ECPAS: variants seen among roughly 807,000 people sequenced by gnomAD.
ECPAS encodes Ecm29 proteasome adaptor and scaffold.
A neutral mutation model predicts 255.1 loss-of-function variants in ECPAS; 70 were observed. That is an observed-to-expected ratio of 0.27 (90% CI 0.23 to 0.33). The LOEUF (loss-of-function observed/expected upper bound fraction) is 0.33, where lower values mean the gene tolerates loss of function less well. ECPAS is among the 10% of genes least tolerant of loss of function. ECPAS has a pLI of 1.00. For missense variants in ECPAS, 1,817 were observed against 2,206.4 expected (o/e 0.82, Z 3.54); for synonymous variants, 784 against 775.0 (o/e 1.01, Z -0.19).
In ECPAS at chr9:111,375,843, T is replaced by TC. The variant is rs1470677189; in HGVS notation, c.4020+632_4020+633insG. On this transcript the variant is annotated intron_variant, in intron 37 of 49. Transcript: ENST00000684092. ...TAACATAGTTTTTTGTACACTTCAG[T>TC]TTTTTTAGGGGTTGGATCTATACCT... Among the ~76,000 whole-genome samples, 6 of 152,122 alleles carry TC rather than the reference T, an allele frequency of 3.9e-5. No individual in the cohort carries two copies. In the South Asian group the frequency reaches 1.0e-3, roughly 26 times the overall value.
chr9:111,456,538 G>C (rs941312109), intron 2 of ECPAS, among the ~76,000 whole-genome samples: 3 of 152,188 alleles, frequency 2.0e-5, no homozygotes, highest in Non-Finnish European at 2.9e-5. Context: ...ACGTTCACTA[G>C]AATGTGTCTC....
At chr9:111,468,621 G>C (rs990570999) in intron 2 of ECPAS, among the ~76,000 whole-genome samples, 1 of 149,010 alleles carries the variant, frequency 6.7e-6, no homozygotes, top group South Asian at 2.1e-4. Flanking sequence ...TGGGCAAAGA[G>C]AGTGAGTGAG....
chr9:111,478,679 G>A (rs555295557), intron 1 of ECPAS, among the ~76,000 whole-genome samples: 34 of 152,252 alleles, frequency 2.2e-4, no homozygotes, highest in African/African-American at 7.9e-4. Flanking sequence ...TCAAATGCAA[G>A]GCAGAAAATG....
intron 48 of ECPAS, chr9:111,365,760 T>C (rs1280471781): frequency 1.3e-5 from 2 of 153,198 alleles, no homozygotes; most frequent in South Asian, 2.0e-4. Context: ...ACTGCATCCA[T>C]GTTTACTACC....
At position 111,383,838 on chromosome 9, in the gene ECPAS, C is replaced by T. The variant is rs545561131; in HGVS notation, c.3682-506G>A. 1.5e-3 allele frequency among the ~76,000 whole-genome samples: 231 copies of T among 152,196 alleles called. 1 individual carries two copies. Among genetic ancestry groups the T allele is most frequent in the Non-Finnish European group, 2.5e-3 (171 of 67,996 alleles). On this transcript the variant is annotated intron_variant, in intron 34 of 49. Transcript: ENST00000684092. ...CCAGGAGGCTGAGGTGGGAGGATCT[C>T]CTGACCCCGGCAGGTCGAGACTACA... is the stretch of plus-strand genomic sequence containing the variant.
chr9:111,398,915 C>G (rs1395806125), intron 24 of ECPAS, among the ~76,000 whole-genome samples: 1 of 151,206 alleles, frequency 6.6e-6, no homozygotes, highest in Admixed American at 6.6e-5. Context: ...CCAGCCTGGG[C>G]AACAGAGTGA....
rs759631316 is a variant in ECPAS at position 111,433,315 on chromosome 9, C to T, written c.766G>A (p.Val256Ile). 9 of 1,614,018 alleles carry T rather than the reference C, an allele frequency of 5.6e-6. No individual in the cohort carries two copies. In the South Asian group the frequency reaches 8.8e-5, roughly 16 times the overall value. ...EAEQVPELEA[V>I]LHLVIASSDT... is the part of the protein sequence containing the mutation. ...CTAGAGGCAATCACCAAGTGGAGAA[C>T]AGCTTCAAGTTCAGGCACCTGTTCA... is the stretch of plus-strand genomic sequence containing the variant. Residue 256 changes from valine to isoleucine, a missense_variant, in exon 8 of 50, where the codon GTT becomes ATT. By Grantham distance (29) the Val-to-Ile change is conservative. Around this residue, in one of 4 missense-constraint regions of ECPAS, gnomAD observed 573 missense variants for 716.2 expected, o/e 0.80. Transcript: ENST00000684092.
intron 41 of ECPAS, 36 bp downstream of exon 41, chr9:111,373,134 A>G (rs2098129385): frequency 6.5e-7 from 1 of 1,548,952 alleles, no homozygotes. Context: ...TTAACATCTA[A>G]ATTTAAAATG....
Position 111,361,999 on chromosome 9 carries a change from A to G in ECPAS, c.*31T>C, listed in dbSNP as rs376834903. ...ACCACCACTTCAACCCCCAATGAACATGGCACTTGTTTGTTTCTTCCCCTT... is the reference window on the plus strand; with the variant it reads ...ACCACCACTTCAACCCCCAATGAACGTGGCACTTGTTTGTTTCTTCCCCTT... On this transcript the variant is annotated 3_prime_UTR_variant, in exon 50 of 50. Transcript: ENST00000684092. The G allele has an allele frequency of 3.7e-5, 60 of 1,607,784 alleles. No homozygotes were observed. In the African/African-American group the frequency reaches 6.3e-4, roughly 17 times the overall value.
intron 2 of ECPAS, among the ~76,000 whole-genome samples, chr9:111,454,514 G>A (rs1036414859): frequency 1.3e-4 from 20 of 152,132 alleles, no homozygotes; most frequent in African/African-American, 4.1e-4. Context: ...CACCATGTGA[G>A]AGGGTCCTGC....
chr9:111,410,518 G>A (rs557699782), intron 22 of ECPAS, among the ~76,000 whole-genome samples: 2 of 151,976 alleles, frequency 1.3e-5, no homozygotes, highest in South Asian at 4.2e-4. Context: ...TTTTTGCTTT[G>A]TTTGTTTTGG....
chr9:111,425,453 T>C lies in ECPAS; in HGVS notation c.1180A>G (p.Asn394Asp). Residue 394 changes from asparagine (N) to aspartate (D), a missense_variant, in exon 12 of 50, where the codon AAT becomes GAT. Transcript: ENST00000684092. The stretch of plus-strand genomic sequence containing the variant: ...TCATTGATTAGCTTGGTGAGGCCAT[T>C]CAAAAGCATTGGACCTAATGGCTTA... ...KIKPLGPMLLNGLTKLINEYK... is the reference protein window; with the variant it reads ...KIKPLGPMLLDGLTKLINEYK... The C allele has an allele frequency of 1.9e-6, 3 of 1,601,946 alleles. No individual in the cohort carries two copies. The highest frequency in any genetic ancestry group is 2.6e-6 in the Non-Finnish European group (3 of 1,174,960).
intron 1 of ECPAS, among the ~76,000 whole-genome samples, chr9:111,477,561 A>C (rs1163273976): frequency 6.6e-6 from 1 of 152,194 alleles, no homozygotes; most frequent in Non-Finnish European, 1.5e-5. Flanking sequence ...CTTGTTATGA[A>C]CTATATATTC....
At chr9:111,483,384 A>G (rs1167187245) in intron 1 of ECPAS, 2 of 306,376 alleles carry the variant, frequency 6.5e-6, no homozygotes, top group African/African-American at 2.3e-5. Flanking sequence ...AGCTCCCCGT[A>G]CGCCGCGGCC....
Position 111,373,423 on chromosome 9 carries a change from GA to G in ECPAS, c.4178-18del. The G allele has an allele frequency of 6.2e-7, 1 of 1,601,774 alleles. No individual in the cohort carries two copies. Among genetic ancestry groups the G allele is most frequent in the Non-Finnish European group, 8.5e-7 (1 of 1,171,868 alleles). On this transcript the variant is annotated intron_variant, in intron 39 of 49. Transcript: ENST00000684092. ...TAAGTTTACCTACCAGAAATAAAGA[GA>G]AAAAAATCTGATACTTGGTTGACCA...
At chr9:111,445,051 A>G (rs2098251100) in intron 3 of ECPAS, among the ~76,000 whole-genome samples, 2 of 126,822 alleles carry the variant, frequency 1.6e-5, no homozygotes, top group Admixed American at 9.6e-5. Flanking sequence ...GCTAGAGTGT[A>G]GTGGTGCGAT....
At chr9:111,435,679 C>CT (rs1163482272) in intron 7 of ECPAS, among the ~76,000 whole-genome samples, 7,917 of 132,574 alleles carry the variant, frequency 0.06, 617 homozygotes, top group African/African-American at 0.16. Context: ...TTCAGTAAAT[C>CT]TTTTTTTTTT....
chr9:111,425,513 C>A lies in ECPAS; in HGVS notation c.1137-17G>T, dbSNP rs770948833. ...TCTGGACAGCTTTAAATAAAACACA[C>A]ATACACAAAGCAAGATAAGAATCTC... On this transcript the variant is annotated splice_polypyrimidine_tract_variant and intron_variant, in intron 11 of 49. Coordinates refer to ENST00000684092, the MANE Select transcript of ECPAS (RefSeq NM_001364929.1). 1 of 1,542,204 alleles carries A rather than the reference C, an allele frequency of 6.5e-7. No individual in the cohort carries two copies. The highest frequency in any genetic ancestry group is 1.2e-5 in the South Asian group (1 of 80,862).
intron 1 of ECPAS, among the ~76,000 whole-genome samples, chr9:111,482,593 A>G (rs2098307617): frequency 6.6e-6 from 1 of 152,192 alleles, no homozygotes; most frequent in African/African-American, 2.4e-5. Context: ...TAAAACCCAC[A>G]TCATCTTCAA....
Sources: gnomAD v4.1 joint callset for allele counts (sites outside exome capture counted in the v4.1 genomes callset) on GRCh38, gnomAD v4.1.1 for gene constraint, gnomAD v4.1.1 regional missense constraint, MANE v1.5 for transcripts, NCBI Gene and HGNC (gene_info 2026-07-23, HGNC 2026-07-21) for gene names.